Variants in FAM117B observed in about 807,000 individuals in gnomAD.
FAM117B encodes family with sequence similarity 117 member B.
Under a neutral mutation model 52.8 loss-of-function variants are expected in FAM117B, and 22 were observed. The ratio of observed to expected loss-of-function variants is 0.42; its 90% CI spans 0.30 to 0.59. The LOEUF is 0.59. FAM117B is among the 20% of genes least tolerant of loss of function. FAM117B has a pLI of 0.22. For missense variants in FAM117B, 678 were observed against 802.6 expected (o/e 0.84, Z 1.88); for synonymous variants, 309 against 324.1 (o/e 0.95, Z 0.50).
In FAM117B at chr2:202,765,400, T is replaced by C. The variant is rs745538850; in HGVS notation, c.1452-46T>C. On this transcript the variant is annotated intron_variant, in intron 7 of 7. Transcript: ENST00000392238. ...CAAGCTTTTTTTTTTTTTTATTTTT[T>C]AAGTTCAGTGACTTAAAAGCATTGG... 1.2e-5 allele frequency: 18 copies of C among 1,493,998 alleles called. No individual in the cohort carries two copies. In the South Asian group the frequency reaches 2.1e-4, roughly 17 times the overall value. 92.5% of individuals were successfully genotyped at this position (1,493,998 alleles called of 1,614,324 possible).
At position 202,741,349 on chromosome 2, in the gene FAM117B, G is replaced by A. The variant is rs888889500; in HGVS notation, c.961-14189G>A. ...GCAGGGGAATCACTGAACCCGGGAG[G>A]TGGAGGTTGCAGTGAGCCAGATCAT... is the stretch of plus-strand genomic sequence containing the variant. On this transcript the variant is annotated intron_variant, in intron 4 of 7. Coordinates refer to ENST00000392238, the MANE Select transcript of FAM117B (RefSeq NM_173511.4). 2.0e-5 allele frequency among the ~76,000 whole-genome samples: 3 copies of A among 146,356 alleles called. No homozygotes were observed. In the South Asian group the frequency reaches 6.8e-4, roughly 33 times the overall value.
chr2:202,742,256 G>T (rs1691554419), intron 4 of FAM117B, among the ~76,000 whole-genome samples: 1 of 152,188 alleles, frequency 6.6e-6, no homozygotes, highest in Non-Finnish European at 1.5e-5. Context: ...CTGTGAAAAG[G>T]AAAAACTATG....
At chr2:202,662,464 T>C (rs564590499) in intron 1 of FAM117B, among the ~76,000 whole-genome samples, 184 of 152,280 alleles carry the variant, frequency 1.2e-3, no homozygotes, top group African/African-American at 4.3e-3. Context: ...GTTCTAGTGT[T>C]CTGTTGCACA....
intron 1 of FAM117B, among the ~76,000 whole-genome samples, chr2:202,666,866 C>T (rs1458422463): frequency 1.3e-5 from 2 of 151,688 alleles, no homozygotes; most frequent in African/African-American, 4.8e-5. Context: ...AGGATGGTCT[C>T]GATCTCCTGA....
At chr2:202,763,029 G>A (rs982874611) in intron 7 of FAM117B, among the ~76,000 whole-genome samples, 1 of 147,304 alleles carries the variant, frequency 6.8e-6, no homozygotes, top group South Asian at 2.1e-4. Flanking sequence ...GAAATGTGAA[G>A]TTTCATCCCA....
At position 202,695,872 on chromosome 2, in the gene FAM117B, T is replaced by C. The variant is rs1207223713; in HGVS notation, c.602-9T>C. ...TTTATTAAAACAAGCATTTTTGTCTTAAATCTAGGTGACAAAACACGACAG... is the reference window on the plus strand; with the variant it reads ...TTTATTAAAACAAGCATTTTTGTCTCAAATCTAGGTGACAAAACACGACAG... On this transcript the variant is annotated splice_polypyrimidine_tract_variant and intron_variant, in intron 1 of 7. Coordinates refer to ENST00000392238, the MANE Select transcript of FAM117B (RefSeq NM_173511.4). 2 of 1,568,350 alleles carry C rather than the reference T, an allele frequency of 1.3e-6. No individual in the cohort carries two copies. The highest frequency in any genetic ancestry group is 1.7e-6 in the Non-Finnish European group (2 of 1,156,688).
chr2:202,718,296 C>T (rs1191248255), intron 2 of FAM117B, among the ~76,000 whole-genome samples: 1 of 152,196 alleles, frequency 6.6e-6, no homozygotes, highest in Non-Finnish European at 1.5e-5. Context: ...AAGCTGGTAC[C>T]TAAGGTGCTT....
At chr2:202,694,627 G>A (rs181788760) in intron 1 of FAM117B, among the ~76,000 whole-genome samples, 1 of 151,584 alleles carries the variant, frequency 6.6e-6, no homozygotes, top group East Asian at 1.9e-4. Flanking sequence ...CTATTATATT[G>A]GCAAATACCC....
At chr2:202,665,186 C>CTT (rs1052100943) in intron 1 of FAM117B, among the ~76,000 whole-genome samples, 2 of 143,590 alleles carry the variant, frequency 1.4e-5, no homozygotes, top group Admixed American at 7.0e-5. Flanking sequence ...TTTCTTTTTT[C>CTT]TTTTTTTTTT....
chr2:202,733,020 A>G (rs1691381215), intron 4 of FAM117B, among the ~76,000 whole-genome samples: 1 of 152,120 alleles, frequency 6.6e-6, no homozygotes, highest in East Asian at 1.9e-4. Flanking sequence ...TATTTTCCCT[A>G]AGTGTCGGCT....
intron 4 of FAM117B, among the ~76,000 whole-genome samples, chr2:202,731,194 A>G (rs1004839469): frequency 1.3e-5 from 2 of 151,716 alleles, no homozygotes; most frequent in Admixed American, 6.6e-5. Context: ...CAATAAGCAC[A>G]TGAAGAAGAT....
chr2:202,699,457 A>G (rs113777590), intron 2 of FAM117B, among the ~76,000 whole-genome samples: 3 of 149,670 alleles, frequency 2.0e-5, no homozygotes, highest in South Asian at 2.1e-4. Context: ...AAGAAAAAAA[A>G]AAAAAAAGAA....
chr2:202,639,477 C>G (rs1016460321), intron 1 of FAM117B, among the ~76,000 whole-genome samples: 3 of 152,196 alleles, frequency 2.0e-5, no homozygotes, highest in African/African-American at 7.2e-5. Context: ...AGAAAAGGTA[C>G]CTAGGCAACA....
At chr2:202,728,455 A>G (rs7562105) in intron 4 of FAM117B, among the ~76,000 whole-genome samples, 6 of 152,220 alleles carry the variant, frequency 3.9e-5, no homozygotes, top group African/African-American at 1.4e-4. Context: ...AAATTTGTAA[A>G]GACTAATAAC....
chr2:202,767,648 A>C lies in FAM117B; in HGVS notation c.*1884A>C, dbSNP rs2105803846. On this transcript the variant is annotated 3_prime_UTR_variant, in exon 8 of 8. Coordinates refer to ENST00000392238, the MANE Select transcript of FAM117B (RefSeq NM_173511.4). ...AGAAGGTTAATATGTCAGCTTACCCAGACATATTCTATCAAGGAAAACCTA... is the reference window on the plus strand; with the variant it reads ...AGAAGGTTAATATGTCAGCTTACCCCGACATATTCTATCAAGGAAAACCTA... 1 of 152,334 alleles carries C rather than the reference A, an allele frequency of 6.6e-6. No individual in the cohort carries two copies. Among genetic ancestry groups the C allele is most frequent in the East Asian group, 1.9e-4 (1 of 5,190 alleles). 9.4% of individuals were successfully genotyped at this position (152,334 alleles called of 1,614,324 possible).
At chr2:202,637,923 C>T (rs917272392) in intron 1 of FAM117B, among the ~76,000 whole-genome samples, 4 of 146,032 alleles carry the variant, frequency 2.7e-5, no homozygotes, top group Non-Finnish European at 5.9e-5. Context: ...GTCACCTAGG[C>T]TGGAGTGCAA....
chr2:202,675,186 A>G (rs1480140853), intron 1 of FAM117B, among the ~76,000 whole-genome samples: 1 of 151,888 alleles, frequency 6.6e-6, no homozygotes, highest in Non-Finnish European at 1.5e-5. Flanking sequence ...AATGAGTGCC[A>G]CTACACTCCA....
chr2:202,764,430 A>T lies in FAM117B; in HGVS notation c.1452-1016A>T, dbSNP rs78241815. On this transcript the variant is annotated intron_variant, in intron 7 of 7. Coordinates refer to ENST00000392238, the MANE Select transcript of FAM117B (RefSeq NM_173511.4). Reference sequence around the variant, plus strand: ...CAGGTGCATGCCGTCAGACTAGATTATTTTTTTTTTTAAGGTTTTTATAAA... The same window carrying T: ...CAGGTGCATGCCGTCAGACTAGATTTTTTTTTTTTTTAAGGTTTTTATAAA... Among the ~76,000 whole-genome samples, 231 of 146,624 alleles carry T rather than the reference A, an allele frequency of 1.6e-3. 5 individuals carry two copies. The East Asian group carries it at 0.032, about 20-fold the overall frequency.
At chr2:202,721,720 A>G (rs1341798093) in intron 2 of FAM117B, among the ~76,000 whole-genome samples, 1 of 152,066 alleles carries the variant, frequency 6.6e-6, no homozygotes, top group Admixed American at 6.6e-5. Flanking sequence ...TGCAGCCTCA[A>G]CCTCCCAGGC....
Sources: allele counts gnomAD v4.1 joint callset (sites outside exome capture counted in the v4.1 genomes callset), GRCh38; gene constraint gnomAD v4.1.1; transcripts MANE v1.5; gene names NCBI Gene and HGNC (gene_info 2026-07-23, HGNC 2026-07-21).